The following GTPBP3 variants were observed in gnomAD, a reference collection of about 807,000 sequenced individuals.
GTPBP3 encodes GTP binding protein 3, mitochondrial.
In GTPBP3, 35 loss-of-function variants were observed where a neutral mutation model predicts 42.0. The observed-to-expected ratio is 0.83, with a 90% CI of 0.64 to 1.10. GTPBP3 has a LOEUF of 1.10. Among genes scored for constraint, GTPBP3 ranks in the 50% least tolerant of loss-of-function variants. The probability of loss-of-function intolerance (pLI) is 0.00; values close to 1 mark genes in which losing one functional copy is unlikely to be tolerated. For missense variants in GTPBP3, 691 were observed against 685.2 expected (o/e 1.01, Z -0.09); for synonymous variants, 332 against 314.9 (o/e 1.05, Z -0.58).
rs755920326 is a variant in GTPBP3, at chr19:17,341,516, G to A, written c.1292G>A (p.Arg431Gln). The A allele has an allele frequency of 2.5e-5, 41 of 1,613,330 alleles. No homozygotes were observed. The highest frequency in any genetic ancestry group is 3.3e-5 in the Non-Finnish European group (39 of 1,179,784). ...DPSTDPPLLTRARHQHHLQGC... is the reference protein window; with the variant it reads ...DPSTDPPLLTQARHQHHLQGC... ...TCCACAGATCCCCCGCTGCTGACCC[G>A]AGCAAGGCACCAGCACCACCTCCAG... The change falls in exon 9 of 9, where the codon CGA becomes CAA. Residue 431 changes from arginine (R) to glutamine (Q), a missense_variant. Transcript: ENST00000324894.
intron 7 of GTPBP3, 148 bp from the exon 8 acceptor site, chr19:17,340,896 G>T: frequency 1.4e-6 from 1 of 733,292 alleles, no homozygotes; most frequent in Non-Finnish European, 2.1e-6. Context: ...CCAACATTCT[G>T]CCGGTCCCCT....
rs552864857 is a variant in GTPBP3, at chr19:17,341,490, G to A, written c.1266G>A (p.Pro422=). Residue 422 remains proline, a synonymous_variant, in exon 9 of 9, where the codon CCG becomes CCA. Transcript: ENST00000324894. Reference sequence around the variant, plus strand: ...TTGTCTCTTCCAGGTGTGGGGACCCGTCCACAGATCCCCCGCTGCTGACCC... The same window carrying A: ...TTGTCTCTTCCAGGTGTGGGGACCCATCCACAGATCCCCCGCTGCTGACCC... ...RKELAAVCGD[P]STDPPLLTRA... 3 of 1,611,424 alleles carry A rather than the reference G, an allele frequency of 1.9e-6. No homozygotes were observed. Among genetic ancestry groups the A allele is most frequent in the Admixed American group, 1.7e-5 (1 of 59,886 alleles).
At chr19:17,335,259 T>C (rs2074357084), upstream of GTPBP3, 1 of 1,299,010 alleles carries the variant, frequency 7.7e-7, no homozygotes, top group Non-Finnish European at 1.1e-6. Flanking sequence ...CACGCACCAT[T>C]TGGCTGCCTA....
chr19:17,341,497 G>A lies in GTPBP3; in HGVS notation c.1273G>A (p.Asp425Asn). 1 of 1,612,302 alleles carries A rather than the reference G, an allele frequency of 6.2e-7. No homozygotes were observed. Among genetic ancestry groups the A allele is most frequent in the Non-Finnish European group, 8.5e-7 (1 of 1,179,052 alleles). ...LAAVCGDPST[D>N]PPLLTRARHQ... is the part of the protein sequence containing the mutation. ...TTCCAGGTGTGGGGACCCGTCCACA[G>A]ATCCCCCGCTGCTGACCCGAGCAAG... The change falls in exon 9 of 9, where the codon GAT (aspartate) becomes AAT (asparagine). Residue 425 changes from aspartate (D) to asparagine (N), a missense_variant. Coordinates refer to ENST00000324894, the MANE Select transcript of GTPBP3 (RefSeq NM_032620.4).
chr19:17,340,928 G>A, intron 7 of GTPBP3, 116 bp from the exon 8 acceptor site: 2 of 984,286 alleles, frequency 2.0e-6, no homozygotes, highest in Non-Finnish European at 2.7e-6. Flanking sequence ...CCTCCCTCCC[G>A]ACCTCACGCT....
At chr19:17,336,887 G>C (rs954712025), upstream of GTPBP3, 1 of 152,304 alleles carries the variant, frequency 6.6e-6, no homozygotes, top group Non-Finnish European at 1.5e-5. Context: ...TGTGCTGGGG[G>C]TTCCAGGAAG....
chr19:17,338,331 G>T, intron 2 of GTPBP3, 34 bp from the exon 3 acceptor site: 4 of 1,612,540 alleles, frequency 2.5e-6, no homozygotes, highest in Non-Finnish European at 3.4e-6. Context: ...TGCACTGGCT[G>T]TGCTGTCCTC....
At chr19:17,337,536 G>C, upstream of GTPBP3, 1 of 1,288,160 alleles carries the variant, frequency 7.8e-7, no homozygotes, top group South Asian at 3.1e-5. Context: ...GTCAAGCCGC[G>C]GAGTGGGCGG....
Position 17,338,759 on chromosome 19 carries a change from C to A in GTPBP3, c.591+18C>A. 1 of 1,594,050 alleles carries A rather than the reference C, an allele frequency of 6.3e-7. No individual in the cohort carries two copies. The highest frequency in any genetic ancestry group is 1.1e-5 in the South Asian group (1 of 88,140). ...TCACCAAAGCAAGTCCCCCATTTGT[C>A]CATTCTCTCCCTCAGAGACCCCATC... On this transcript the variant is annotated intron_variant, in intron 4 of 8. Coordinates refer to ENST00000324894, the MANE Select transcript of GTPBP3 (RefSeq NM_032620.4).
rs1310921188 is a variant in GTPBP3, at chr19:17,339,500, T to A, written c.875T>A (p.Val292Asp). 1 of 1,613,812 alleles carries A rather than the reference T, an allele frequency of 6.2e-7. No individual in the cohort carries two copies. The highest frequency in any genetic ancestry group is 2.2e-5 in the East Asian group (1 of 44,890). Residue 292 changes from valine (V) to aspartate (D), a missense_variant, in exon 7 of 9, where the codon GTC (valine) becomes GAC (aspartate). Physicochemically the swap from Val to Asp is radical, Grantham distance 152. Transcript: ENST00000324894. ...ACCCGTGACGTGCTGGAGACCCCAG[T>A]CGACCTGGCCGGATTTCCTGTGCTG... ...GTTRDVLETP[V>D]DLAGFPVLLS...
In GTPBP3 at chr19:17,337,563, T is replaced by C. The variant is rs1264640271; in HGVS notation, c.-49T>C. 1 of 1,312,968 alleles carries C rather than the reference T, an allele frequency of 7.6e-7. No homozygotes were observed. Among genetic ancestry groups the C allele is most frequent in the Non-Finnish European group, 9.8e-7 (1 of 1,025,076 alleles). The allele number at this position is 1,312,968 out of a possible 1,614,324, so 81.3% of individuals were successfully genotyped here. A position where few individuals can be genotyped will look rare whatever the true frequency, so the allele number is the denominator to read the frequency against. On this transcript the variant is annotated 5_prime_UTR_variant, in exon 1 of 9. Transcript: ENST00000324894. ...AGTGGGCGGGGCCCCCTGCCCAGAC[T>C]TGAAGCCACACAGGCAGGTCGGGCA...
rs200834821 is a variant in GTPBP3 at position 17,341,669 on chromosome 19, A to G, written c.1445A>G (p.Asp482Gly). Residue 482 changes from aspartate (D) to glycine (G), a missense_variant, in exon 9 of 9, where the codon GAC becomes GGC. Coordinates refer to ENST00000324894, the MANE Select transcript of GTPBP3 (RefSeq NM_032620.4). ...GGAGGGGGTACCGAGGAGATCCTGG[A>G]CATCATCTTCCAGGACTTCTGTGTG... ...TGGGGTEEILDIIFQDFCVGK is the reference protein window; with the variant it reads ...TGGGGTEEILGIIFQDFCVGK The G allele has an allele frequency of 1.9e-6, 3 of 1,597,156 alleles. No individual in the cohort carries two copies. Among genetic ancestry groups the G allele is most frequent in the African/African-American group, 2.7e-5 (2 of 74,742 alleles).
chr19:17,339,549 G>T lies in GTPBP3; in HGVS notation c.924G>T (p.Arg308=). ...TGCTGAGCGACACGGCTGGGTTGCG[G>T]GAGGGCGTGGGGCCCGTGGAGCAGG... The part of the protein sequence containing the change: ...PVLLSDTAGL[R]EGVGPVEQEG... Residue 308 remains arginine (R), a synonymous_variant, in exon 7 of 9, where the codon CGG becomes CGT. Transcript: ENST00000324894. 3.1e-6 allele frequency: 5 copies of T among 1,613,038 alleles called. No individual in the cohort carries two copies. The highest frequency in any genetic ancestry group is 4.2e-6 in the Non-Finnish European group (5 of 1,179,744).
intron 7 of GTPBP3, 84 bp downstream of exon 7, chr19:17,339,683 C>A: frequency 7.3e-7 from 1 of 1,369,100 alleles, no homozygotes. Context: ...TTTCATTCTT[C>A]CTGAATCAGA....
rs201491919 is a variant in GTPBP3, at chr19:17,339,265, C to T, written c.807C>T (p.Leu269=). Residue 269 remains leucine (L), a splice_region_variant and synonymous_variant, in exon 6 of 9, where the codon CTC becomes CTT. Transcript: ENST00000324894. ...GCAAGAGCAGCCTAGTGAACCTGCT[C>T]AGTGAGTAGGCGGCGGGAAGGGGGC... ...NAGKSSLVNL[L]SRKPVSIVSP... 1.2e-5 allele frequency: 19 copies of T among 1,600,972 alleles called. No homozygotes were observed. The highest frequency in any genetic ancestry group is 1.3e-5 in the African/African-American group (1 of 74,704).
At chr19:17,335,257 AT>A, upstream of GTPBP3, 1 of 1,311,398 alleles carries the variant, frequency 7.6e-7, no homozygotes, top group Non-Finnish European at 1.0e-6. Flanking sequence ...TGCACGCACC[AT>A]TTGGCTGCCT....
At chr19:17,339,702 T>A in intron 7 of GTPBP3, 103 bp downstream of exon 7, 2 of 1,128,056 alleles carry the variant, frequency 1.8e-6, no homozygotes, top group Non-Finnish European at 2.5e-6. Context: ...GAGAACCTGC[T>A]AAGCCCTATC....
chr19:17,338,141 C>T lies in GTPBP3; in HGVS notation c.187C>T (p.Arg63Ter), dbSNP rs1419691572. 2 of 1,596,182 alleles carry T rather than the reference C, an allele frequency of 1.3e-6. No individual in the cohort carries two copies. Among genetic ancestry groups the T allele is most frequent in the African/African-American group, 1.3e-5 (1 of 74,758 alleles). Residue 63 changes from arginine to a stop codon, truncating the protein, a stop_gained, in exon 2 of 9, where the codon CGA becomes TGA. Transcript: ENST00000324894. LOFTEE classifies it high-confidence loss of function. ...TSGPASGHAL[R>*]ILTAPRDLPL... is the part of the protein sequence containing the mutation. ...CGGCCCCGCCAGCGGCCACGCCCTC[C>T]GAATTCTCACAGCACCCCGAGACCT...
upstream of GTPBP3, among the ~76,000 whole-genome samples, chr19:17,336,029 G>A (rs1827771753): frequency 6.6e-6 from 1 of 152,106 alleles, no homozygotes; most frequent in African/African-American, 2.4e-5. Flanking sequence ...GAGGCAAGGA[G>A]TTCGAGACCA....
Sources: gnomAD v4.1 joint callset for allele counts (sites outside exome capture counted in the v4.1 genomes callset) on GRCh38, gnomAD v4.1.1 for gene constraint, MANE v1.5 for transcripts, NCBI Gene and HGNC (gene_info 2026-07-23, HGNC 2026-07-21) for gene names.